The following KCNIP4 variants were observed in gnomAD, a reference collection of about 807,000 sequenced individuals.
KCNIP4 encodes the protein potassium voltage-gated channel interacting protein 4, also known as Kv channel-interacting protein 4.
In KCNIP4, 12 loss-of-function variants were observed where a neutral mutation model predicts 34.0. The observed-to-expected ratio is 0.35, with a 90% CI of 0.23 to 0.57. The LOEUF is 0.57. KCNIP4 is among the 20% of genes least tolerant of loss of function. KCNIP4 has a pLI of 0.83. For synonymous variants in KCNIP4, 124 were observed against 102.2 expected, an observed-to-expected ratio of 1.21 and a Z score of -1.29; for missense variants, 238 against 311.7, an observed-to-expected ratio of 0.76 and a Z score of 1.78.
At chr4:20,920,979 T>C (rs1729341488) in intron 1 of KCNIP4, among the ~76,000 whole-genome samples, 1 of 152,026 alleles carries the variant, frequency 6.6e-6, no homozygotes, top group Non-Finnish European at 1.5e-5. Flanking sequence ...AGAGTGAGAC[T>C]TCATCTCAAA....
intron 1 of KCNIP4, among the ~76,000 whole-genome samples, chr4:21,361,991 C>G (rs1426350158): frequency 3.3e-5 from 5 of 151,970 alleles, no homozygotes; most frequent in Non-Finnish European, 7.4e-5. Context: ...AGCAAAACCC[C>G]AAAGAAGTGC....
At chr4:21,709,498 G>C (rs1003886670) in intron 1 of KCNIP4, among the ~76,000 whole-genome samples, 1 of 152,120 alleles carries the variant, frequency 6.6e-6, no homozygotes, top group African/African-American at 2.4e-5. Context: ...CATTGTCTCA[G>C]TTATAAATGG....
intron 1 of KCNIP4, among the ~76,000 whole-genome samples, chr4:21,289,787 G>A (rs1163652864): frequency 2.0e-5 from 3 of 152,080 alleles, no homozygotes; most frequent in Admixed American, 6.6e-5. Context: ...GATGCAAGAA[G>A]CTGCTGCTAG....
intron 3 of KCNIP4, among the ~76,000 whole-genome samples, chr4:20,770,020 C>A (rs773930765): frequency 3.3e-5 from 5 of 152,146 alleles, no homozygotes; most frequent in Non-Finnish European, 5.9e-5. Context: ...CACAGTAGTA[C>A]CTTGCTTAGT....
intron 1 of KCNIP4, among the ~76,000 whole-genome samples, chr4:21,254,246 TG>T (rs573846833): frequency 8.1e-4 from 124 of 152,312 alleles, no homozygotes; most frequent in African/African-American, 2.8e-3. Flanking sequence ...GTTTCAAACA[TG>T]GTTGTTGCAC....
intron 1 of KCNIP4, among the ~76,000 whole-genome samples, chr4:20,977,870 TGAGTTTTCTAAA>T (rs1212613559): frequency 6.6e-6 from 1 of 152,234 alleles, no homozygotes; most frequent in Non-Finnish European, 1.5e-5. Context: ...CTCCTCTCTT[TGAGTTTTCTAAA>T]GGCCTTACTC....
chr4:21,482,963 C>G (rs1731567867), intron 1 of KCNIP4, among the ~76,000 whole-genome samples: 1 of 151,420 alleles, frequency 6.6e-6, no homozygotes, highest in South Asian at 2.1e-4. Flanking sequence ...AGCTGGAAAC[C>G]ATCATTCTCA....
chr4:21,571,826 A>C (rs903435570), intron 1 of KCNIP4, among the ~76,000 whole-genome samples: 1 of 152,172 alleles, frequency 6.6e-6, no homozygotes, highest in Non-Finnish European at 1.5e-5. Flanking sequence ...ATTTAGAAAA[A>C]GGTAAATGAT....
At chr4:21,854,259 C>A (rs1724610107) in intron 1 of KCNIP4, among the ~76,000 whole-genome samples, 1 of 152,188 alleles carries the variant, frequency 6.6e-6, no homozygotes, top group South Asian at 2.1e-4. Flanking sequence ...AATTAACAAT[C>A]TGTTTACTGG....
intron 1 of KCNIP4, chr4:20,984,076 C>T (rs988501906): frequency 1.0e-5 from 13 of 1,283,700 alleles, no homozygotes; most frequent in East Asian, 2.6e-5. Context: ...AAGCCGGCGG[C>T]CCCCCGGGGT....
At chr4:21,234,258 T>C (rs1259332411) in intron 1 of KCNIP4, among the ~76,000 whole-genome samples, 14 of 119,000 alleles carry the variant, frequency 1.2e-4, no homozygotes, top group African/African-American at 4.9e-4. Context: ...ATATTATATA[T>C]AACATATATA....
intron 1 of KCNIP4, among the ~76,000 whole-genome samples, chr4:21,512,428 G>A (rs1356125170): frequency 6.6e-6 from 1 of 152,052 alleles, no homozygotes; most frequent in African/African-American, 2.4e-5. Flanking sequence ...TCAGACAAAA[G>A]GTTAGTCATT....
chr4:21,260,386 C>T (rs1035648456), intron 1 of KCNIP4, among the ~76,000 whole-genome samples: 1 of 152,158 alleles, frequency 6.6e-6, no homozygotes, highest in African/African-American at 2.4e-5. Flanking sequence ...TTCGTGATTG[C>T]TGTATTGCAC....
At chr4:21,577,906 T>C (rs1385018367) in intron 1 of KCNIP4, among the ~76,000 whole-genome samples, 1 of 152,176 alleles carries the variant, frequency 6.6e-6, no homozygotes, top group African/African-American at 2.4e-5. Flanking sequence ...AGTATTCATT[T>C]TATGCCAGCC....
intron 3 of KCNIP4, among the ~76,000 whole-genome samples, chr4:20,812,811 A>T (rs1463477225): frequency 1.3e-5 from 2 of 152,100 alleles, no homozygotes; most frequent in Admixed American, 1.3e-4. Flanking sequence ...CATGAGGTGC[A>T]AACTTAAGGA....
At chr4:21,216,092 A>G (rs972131361) in intron 1 of KCNIP4, among the ~76,000 whole-genome samples, 2 of 152,168 alleles carry the variant, frequency 1.3e-5, no homozygotes, top group African/African-American at 4.8e-5. Flanking sequence ...CGCCCAGCCC[A>G]AGATATTTTC....
intron 1 of KCNIP4, among the ~76,000 whole-genome samples, chr4:21,142,150 CA>C (rs369182504): frequency 0.23 from 24,783 of 105,624 alleles, 1,626 homozygotes; most frequent in African/African-American, 0.25. Flanking sequence ...GACACCGTCT[CA>C]AAAAAAAAAA....
intron 1 of KCNIP4, among the ~76,000 whole-genome samples, chr4:21,494,549 C>T (rs914773705): frequency 3.0e-4 from 45 of 151,926 alleles, no homozygotes; most frequent in African/African-American, 1.0e-3. Context: ...CTGAGGTGGG[C>T]GGACCATGAG....
intron 3 of KCNIP4, among the ~76,000 whole-genome samples, chr4:20,822,427 T>C (rs1001223867): frequency 6.6e-6 from 1 of 152,124 alleles, no homozygotes; most frequent in African/African-American, 2.4e-5. Context: ...ACAATAGATG[T>C]TGGTTGGTGA....
Sources: gnomAD v4.1 joint callset for allele counts (sites outside exome capture counted in the v4.1 genomes callset) on GRCh38, gnomAD v4.1.1 for gene constraint, MANE v1.5 for transcripts, NCBI Gene and HGNC (gene_info 2026-07-23, HGNC 2026-07-21) for gene names.